GNB1: variants seen among roughly 807,000 people sequenced by gnomAD.
The protein encoded by GNB1 is G protein subunit beta 1.
Under a neutral mutation model 42.9 loss-of-function variants are expected in GNB1, and 2 were observed. The observed-to-expected ratio is 0.05, with a 90% confidence interval of 0.02 to 0.15. The LOEUF (loss-of-function observed/expected upper bound fraction) is 0.15. Ranked by LOEUF, GNB1 falls within the 10% of genes least tolerant of loss-of-function variation. The probability of loss-of-function intolerance (pLI) is 1.00; values close to 1 mark genes in which losing one functional copy is unlikely to be tolerated. For missense variants in GNB1, 193 were observed against 462.2 expected (o/e 0.42, Z 5.34); for synonymous variants, 183 against 174.7 (o/e 1.05, Z -0.38).
At chr1:1,860,514 G>A (rs1341790929) in intron 1 of GNB1, among the ~76,000 whole-genome samples, 1 of 151,984 alleles carries the variant, frequency 6.6e-6, no homozygotes, top group Non-Finnish European at 1.5e-5. Flanking sequence ...GTGGGCGCCT[G>A]TAGTCCCAGC....
intron 1 of GNB1, 63 bp from the exon 2 acceptor site, chr1:1,839,301 T>C (rs924663044): frequency 6.6e-6 from 1 of 152,224 alleles, no homozygotes; most frequent in African/African-American, 2.4e-5. Context: ...ATATTCTATT[T>C]TGCTAGTAGC....
At chr1:1,869,577 T>C (rs1052410271) in intron 1 of GNB1, among the ~76,000 whole-genome samples, 1 of 152,256 alleles carries the variant, frequency 6.6e-6, no homozygotes, top group Non-Finnish European at 1.5e-5. Context: ...ACAGAAATAG[T>C]AAGCAGGAAA....
intron 5 of GNB1, among the ~76,000 whole-genome samples, chr1:1,812,652 A>G (rs964025924): frequency 6.6e-6 from 1 of 152,194 alleles, no homozygotes; most frequent in Non-Finnish European, 1.5e-5. Context: ...AGCCTCCCAC[A>G]GGCCTCACTG....
At chr1:1,791,740 G>A (rs1235953690) in intron 8 of GNB1, among the ~76,000 whole-genome samples, 1 of 152,202 alleles carries the variant, frequency 6.6e-6, no homozygotes, top group Non-Finnish European at 1.5e-5. Flanking sequence ...TGCACAGGGA[G>A]CCTCCTCTCT....
intron 7 of GNB1, among the ~76,000 whole-genome samples, chr1:1,799,737 CT>C (rs1263833324): frequency 2.0e-5 from 3 of 152,346 alleles, no homozygotes; most frequent in East Asian, 1.9e-4. Context: ...ATGGTTTGTT[CT>C]TAAGGAGCTT....
intron 1 of GNB1, among the ~76,000 whole-genome samples, chr1:1,862,595 G>A (rs1000034471): frequency 2.0e-5 from 3 of 151,834 alleles, no homozygotes; most frequent in East Asian, 3.9e-4. Flanking sequence ...CCGAGTAGCT[G>A]GGACTACAAG....
At chr1:1,841,107 G>T (rs564004135) in intron 1 of GNB1, among the ~76,000 whole-genome samples, 5 of 151,964 alleles carry the variant, frequency 3.3e-5, no homozygotes, top group South Asian at 2.1e-4. Flanking sequence ...GGTCAGTATG[G>T]TCTCGATCTC....
intron 1 of GNB1, among the ~76,000 whole-genome samples, chr1:1,864,327 AAAAAAAAAAG>A (rs1270168080): frequency 4.7e-5 from 7 of 149,550 alleles, no homozygotes; most frequent in East Asian, 4.0e-4. Context: ...AAAAAAAAAA[AAAAAAAAAAG>A]AAGAAAACCC....
chr1:1,880,097 A>G (rs1649759207), intron 1 of GNB1, among the ~76,000 whole-genome samples: 1 of 151,772 alleles, frequency 6.6e-6, no homozygotes, highest in Non-Finnish European at 1.5e-5. Context: ...ATGCCTGGCT[A>G]ATTTTCAAAT....
chr1:1,806,553 A>G lies in GNB1; in HGVS notation c.204-15T>C, dbSNP rs1345708707. Reference sequence around the variant, plus strand: ...TGACGAGAAGCCTGGAGGGACAGACAAAAGCAAACCTATCAGTACCGCACA... The same window carrying G: ...TGACGAGAAGCCTGGAGGGACAGACGAAAGCAAACCTATCAGTACCGCACA... On this transcript the variant is annotated splice_polypyrimidine_tract_variant and intron_variant, in intron 5 of 11. Transcript: ENST00000378609. 2 of 1,585,686 alleles carry G rather than the reference A, an allele frequency of 1.3e-6. No individual in the cohort carries two copies. The highest frequency in any genetic ancestry group is 3.3e-5 in the Admixed American group (2 of 59,842).
chr1:1,889,313 G>A (rs778205394), intron 1 of GNB1, among the ~76,000 whole-genome samples: 21 of 152,126 alleles, frequency 1.4e-4, no homozygotes, highest in Non-Finnish European at 2.9e-4. Context: ...TGAGACTAAT[G>A]TTATCAGATA....
chr1:1,814,725 C>T (rs1235694848), intron 5 of GNB1, among the ~76,000 whole-genome samples: 3 of 144,636 alleles, frequency 2.1e-5, no homozygotes, highest in Admixed American at 7.1e-5. Context: ...TTACTGGAGC[C>T]TAGGACGTCG....
Position 1,862,872 on chromosome 1 carries a change from G to A in GNB1, c.-95-23634C>T, listed in dbSNP as rs542377612. On this transcript the variant is annotated intron_variant, in intron 1 of 11. Transcript: ENST00000378609. ...AGGCATCACACCTTGGAGACTCTTAGAAAACACCACGGAGGAGGCAAGGTG... is the reference window on the plus strand; with the variant it reads ...AGGCATCACACCTTGGAGACTCTTAAAAAACACCACGGAGGAGGCAAGGTG... Among the ~76,000 whole-genome samples the A allele has an allele frequency of 1.8e-4, 27 of 152,308 alleles. 1 individual carries two copies. The highest frequency in any genetic ancestry group is 6.0e-4 in the African/African-American group (25 of 41,580).
intron 1 of GNB1, among the ~76,000 whole-genome samples, chr1:1,842,985 T>G (rs1446668217): frequency 6.6e-6 from 1 of 152,056 alleles, no homozygotes; most frequent in Non-Finnish European, 1.5e-5. Context: ...TAGGCAGGGG[T>G]GTGTGTGTGT....
At chr1:1,794,853 C>T (rs1646525814) in intron 7 of GNB1, among the ~76,000 whole-genome samples, 1 of 152,064 alleles carries the variant, frequency 6.6e-6, no homozygotes, top group African/African-American at 2.4e-5. Flanking sequence ...CCACACACAG[C>T]TAATTTTTGT....
intron 1 of GNB1, among the ~76,000 whole-genome samples, chr1:1,868,499 T>C (rs1292292368): frequency 6.6e-6 from 1 of 152,154 alleles, no homozygotes; most frequent in Admixed American, 6.5e-5. Flanking sequence ...AGTGAAAAAG[T>C]TAGCCGGGCA....
chr1:1,851,792 C>G (rs1018943829), intron 1 of GNB1, among the ~76,000 whole-genome samples: 11 of 152,144 alleles, frequency 7.2e-5, no homozygotes, highest in Non-Finnish European at 1.0e-4. Flanking sequence ...GCCTATAATC[C>G]CAGCACTTTG....
intron 2 of GNB1, chr1:1,832,165 A>G (rs1243430458): frequency 6.6e-6 from 1 of 152,170 alleles, no homozygotes; most frequent in Non-Finnish European, 1.5e-5. Context: ...TTTCTACTAA[A>G]CGTAATATTG....
chr1:1,833,811 T>C (rs546005441), intron 2 of GNB1, among the ~76,000 whole-genome samples: 4 of 152,198 alleles, frequency 2.6e-5, no homozygotes, highest in Non-Finnish European at 5.9e-5. Context: ...TGCTATTTTT[T>C]GCAATGGTAA....
Sources: allele counts gnomAD v4.1 joint callset (sites outside exome capture counted in the v4.1 genomes callset), GRCh38; gene constraint gnomAD v4.1.1; transcripts MANE v1.5; gene names NCBI Gene and HGNC (gene_info 2026-07-23, HGNC 2026-07-21).